MALRD1: variants seen among roughly 807,000 people sequenced by gnomAD.
The protein encoded by MALRD1 is MAM and LDL receptor class A domain containing 1.
Under a neutral mutation model 242.1 loss-of-function variants are expected in MALRD1, and 247 were observed. The ratio of observed to expected loss-of-function variants is 1.02; its 90% CI spans 0.92 to 1.13. The LOEUF is 1.13. Among genes scored for constraint, MALRD1 ranks in the 50% most tolerant of loss-of-function variants. The pLI, the probability that MALRD1 is intolerant of heterozygous loss-of-function variation, is 0.00. For synonymous variants in MALRD1, 995 were observed against 866.6 expected (o/e 1.15, Z -2.60); for missense variants, 2,989 against 2,533.1 (o/e 1.18, Z -3.86).
chr10:19,426,361 A>T (rs1236905678), intron 28 of MALRD1, among the ~76,000 whole-genome samples: 1 of 152,212 alleles, frequency 6.6e-6, no homozygotes, highest in Non-Finnish European at 1.5e-5. Context: ...AGTTCAGTTC[A>T]TTTGTCACTT....
At chr10:19,529,358 A>C (rs1404554640) in intron 31 of MALRD1, among the ~76,000 whole-genome samples, 1 of 152,208 alleles carries the variant, frequency 6.6e-6, no homozygotes, top group African/African-American at 2.4e-5. Flanking sequence ...TAAGTTGCTT[A>C]TAAAATGGTA....
chr10:19,424,874 T>A (rs1208170344), intron 28 of MALRD1, among the ~76,000 whole-genome samples: 1 of 151,932 alleles, frequency 6.6e-6, no homozygotes, highest in Non-Finnish European at 1.5e-5. Context: ...ATTCTGAGTC[T>A]CTAGCTGACA....
At chr10:19,566,741 T>C (rs1358653854) in intron 32 of MALRD1, among the ~76,000 whole-genome samples, 2 of 151,746 alleles carry the variant, frequency 1.3e-5, no homozygotes, top group Non-Finnish European at 2.9e-5. Context: ...TACCAAATTA[T>C]ATATAACGTT....
At chr10:19,281,131 ACTAT>A (rs1290926825) in intron 20 of MALRD1, among the ~76,000 whole-genome samples, 3 of 152,210 alleles carry the variant, frequency 2.0e-5, no homozygotes, top group Non-Finnish European at 4.4e-5. Context: ...CCACCAATTA[ACTAT>A]CTAATCTAGA....
chr10:19,492,160 A>T (rs1477135928), intron 30 of MALRD1, among the ~76,000 whole-genome samples: 2 of 152,222 alleles, frequency 1.3e-5, no homozygotes, highest in East Asian at 3.8e-4. Context: ...TAATTCAAGC[A>T]ATGTTTAAAA....
intron 28 of MALRD1, among the ~76,000 whole-genome samples, chr10:19,423,851 G>A (rs975454785): frequency 5.9e-5 from 9 of 152,118 alleles, no homozygotes; most frequent in African/African-American, 1.9e-4. Flanking sequence ...GCATACGGGC[G>A]GCCATCCTAA....
intron 36 of MALRD1, among the ~76,000 whole-genome samples, chr10:19,672,614 G>T (rs1309069311): frequency 6.6e-6 from 1 of 151,832 alleles, no homozygotes; most frequent in Non-Finnish European, 1.5e-5. Context: ...AGTAGAGAAG[G>T]GGTTTTGCCA....
intron 21 of MALRD1, among the ~76,000 whole-genome samples, chr10:19,308,264 G>A (rs1449090807): frequency 6.6e-6 from 1 of 151,390 alleles, no homozygotes; most frequent in African/African-American, 2.4e-5. Context: ...TATATGGTGT[G>A]TAATGATCAG....
chr10:19,704,590 G>C (rs1833778868), intron 38 of MALRD1, among the ~76,000 whole-genome samples: 1 of 152,182 alleles, frequency 6.6e-6, no homozygotes. Flanking sequence ...GTATGCAATA[G>C]TAGAAAGATG....
intron 29 of MALRD1, among the ~76,000 whole-genome samples, chr10:19,460,254 T>C (rs11010062): frequency 0.25 from 37,467 of 152,086 alleles, 5,314 homozygotes; most frequent in East Asian, 0.41. Flanking sequence ...ATATAAGATG[T>C]ATAAGCTACA....
At chr10:19,496,876 C>T (rs1837743100) in intron 30 of MALRD1, among the ~76,000 whole-genome samples, 1 of 152,062 alleles carries the variant, frequency 6.6e-6, no homozygotes, top group Admixed American at 6.6e-5. Context: ...GAAAATGAAG[C>T]TGTGGAAAGT....
chr10:19,571,982 T>G (rs1387951572), intron 33 of MALRD1, among the ~76,000 whole-genome samples: 4 of 152,192 alleles, frequency 2.6e-5, no homozygotes, highest in African/African-American at 7.2e-5. Flanking sequence ...AGGTGTTTTG[T>G]TGTCGTTTTT....
At chr10:19,587,151 G>A (rs1054608100) in intron 33 of MALRD1, among the ~76,000 whole-genome samples, 3 of 152,186 alleles carry the variant, frequency 2.0e-5, no homozygotes, top group South Asian at 2.1e-4. Context: ...AGATGAACCC[G>A]GTACCTCAGA....
At chr10:19,550,249 T>G (rs1057253868) in intron 32 of MALRD1, among the ~76,000 whole-genome samples, 1 of 152,078 alleles carries the variant, frequency 6.6e-6, no homozygotes, top group Non-Finnish European at 1.5e-5. Flanking sequence ...TATGATACAT[T>G]CTTTACAACA....
chr10:19,346,032 A>G (rs1336889205), intron 24 of MALRD1, among the ~76,000 whole-genome samples: 1 of 151,964 alleles, frequency 6.6e-6, no homozygotes, highest in Non-Finnish European at 1.5e-5. Context: ...TGATCCTCCC[A>G]CCTTAGCCTC....
chr10:19,113,400 C>G (rs1281005237), intron 5 of MALRD1, among the ~76,000 whole-genome samples: 1 of 152,088 alleles, frequency 6.6e-6, no homozygotes, highest in Non-Finnish European at 1.5e-5. Context: ...ATGCAAACCT[C>G]TTTTCCTCTG....
chr10:19,649,190 A>G (rs780988523), intron 36 of MALRD1, among the ~76,000 whole-genome samples: 8 of 152,306 alleles, frequency 5.3e-5, no homozygotes, highest in South Asian at 2.1e-4. Flanking sequence ...CACTGCTGCA[A>G]TGAACATTCA....
At chr10:19,198,221 C>G (rs75655653) in intron 14 of MALRD1, among the ~76,000 whole-genome samples, 9,872 of 152,194 alleles carry the variant, frequency 0.065, 358 homozygotes, top group African/African-American at 0.092. Flanking sequence ...GATGCTGACA[C>G]AAGAGGTGAG....
intron 5 of MALRD1, among the ~76,000 whole-genome samples, chr10:19,107,096 A>G (rs1179275744): frequency 1.3e-5 from 2 of 151,944 alleles, no homozygotes; most frequent in Non-Finnish European, 2.9e-5. Context: ...GAAAATGTGT[A>G]TTTTGTAATT....
Sources: gnomAD v4.1 joint callset for allele counts (sites outside exome capture counted in the v4.1 genomes callset) on GRCh38, gnomAD v4.1.1 for gene constraint, MANE v1.5 for transcripts, NCBI Gene and HGNC (gene_info 2026-07-23, HGNC 2026-07-21) for gene names.